BIK: variants seen among roughly 807,000 people sequenced by gnomAD.
BIK encodes the protein bcl-2-interacting killer.
A neutral mutation model predicts 12.1 loss-of-function variants in BIK; 14 were observed. The observed-to-expected ratio is 1.16, with a 90% confidence interval of 0.77 to 1.81. The LOEUF (loss-of-function observed/expected upper bound fraction) is 1.81, where lower values mean the gene tolerates loss of function less well. Ranked by LOEUF, BIK falls within the 40% of genes most tolerant of loss-of-function variation. The pLI, the probability that BIK is intolerant of heterozygous loss-of-function variation, is 0.00. For missense variants in BIK, 215 were observed against 207.9 expected, an observed-to-expected ratio of 1.03 and a Z score of -0.21; for synonymous variants, 86 against 92.3, an observed-to-expected ratio of 0.93 and a Z score of 0.39.
chr22:43,122,658 T>A lies in BIK; in HGVS notation c.-7-1358T>A, dbSNP rs4988408. Among the ~76,000 whole-genome samples the A allele has an allele frequency of 9.0e-3, 1,371 of 152,260 alleles. 11 individuals are homozygous for A. The highest frequency in any genetic ancestry group is 0.014 in the South Asian group (67 of 4,824). On this transcript the variant is annotated intron_variant, in intron 1 of 4. Transcript: ENST00000216115. The stretch of plus-strand genomic sequence containing the variant: ...CATCATGATGAAACATGTACTGGCA[T>A]GGGATTCGCAATGATCATAGTTAGG...
At chr22:43,119,296 GA>G (rs944020143) in intron 1 of BIK, among the ~76,000 whole-genome samples, 4 of 150,830 alleles carry the variant, frequency 2.7e-5, no homozygotes, top group East Asian at 1.9e-4. Flanking sequence ...AAGTTTGCTG[GA>G]AAAAAAAAGA....
chr22:43,126,606 G>A (rs940013982), intron 2 of BIK, among the ~76,000 whole-genome samples: 4 of 152,132 alleles, frequency 2.6e-5, no homozygotes, highest in Non-Finnish European at 5.9e-5. Flanking sequence ...GACCTGGGCT[G>A]TTGCTTTCTG....
chr22:43,122,712 C>T (rs952258559), intron 1 of BIK, among the ~76,000 whole-genome samples: 4 of 152,174 alleles, frequency 2.6e-5, no homozygotes, highest in Admixed American at 2.6e-4. Flanking sequence ...GAAGAGGAAA[C>T]TCAGTGAATG....
intron 1 of BIK, among the ~76,000 whole-genome samples, chr22:43,117,617 G>A (rs1049444387): frequency 2.6e-5 from 4 of 151,712 alleles, no homozygotes; most frequent in African/African-American, 4.8e-5. Flanking sequence ...TGATCTGCAC[G>A]CCTCAACCTC....
rs1569466790 is a variant in BIK at position 43,123,998 on chromosome 22, GCTGT to G, written c.-7-15_-7-12del. The G allele has an allele frequency of 1.2e-6, 2 of 1,613,512 alleles. No individual in the cohort carries two copies. Among genetic ancestry groups the G allele is most frequent in the Non-Finnish European group, 1.7e-6 (2 of 1,179,644 alleles). ...TCAGTTCTTAGGGGTCCAGTCATAT[GCTGT>G]CTTTTTGCCCCAGAGGAGAAATGTC... On this transcript the variant is annotated splice_polypyrimidine_tract_variant and intron_variant, in intron 1 of 4. Coordinates refer to ENST00000216115, the MANE Select transcript of BIK (RefSeq NM_001197.5).
chr22:43,127,591 C>A (rs773208890), intron 2 of BIK, 106 bp from the exon 3 acceptor site: 3 of 1,008,042 alleles, frequency 3.0e-6, no homozygotes, highest in Non-Finnish European at 4.4e-6. Flanking sequence ...CATCTCTTAT[C>A]CTCTGGGCCA....
At chr22:43,126,240 C>T (rs546669905) in intron 2 of BIK, among the ~76,000 whole-genome samples, 1 of 150,154 alleles carries the variant, frequency 6.7e-6, no homozygotes, top group African/African-American at 2.5e-5. Flanking sequence ...GGCTGGAGTA[C>T]AGTGGCATGA....
At position 43,129,247 on chromosome 22, in the gene BIK, T is replaced by TGCTGCTGGCGCTGCTGCTGCC. The variant is rs768176790; in HGVS notation, c.432_452dup (p.Ala145_Leu151dup). On this transcript the variant is annotated inframe_insertion, in exon 5 of 5. Transcript: ENST00000216115. ...GAACAGGTGCTGCTGGCGCTGCTGC[T>TGCTGCTGGCGCTGCTGCTGCC]GCTGCTGGCGCTGCTGCTGCCGCTG... 2 of 1,597,518 alleles carry TGCTGCTGGCGCTGCTGCTGCC rather than the reference T, an allele frequency of 1.3e-6. No individual in the cohort carries two copies. The highest frequency in any genetic ancestry group is 1.1e-5 in the South Asian group (1 of 90,430).
At chr22:43,115,268 G>A (rs949747631) in intron 1 of BIK, among the ~76,000 whole-genome samples, 2 of 152,094 alleles carry the variant, frequency 1.3e-5, no homozygotes, top group Non-Finnish European at 2.9e-5. Context: ...TGAGTCCCCC[G>A]TGCCTGCCTG....
At chr22:43,119,733 T>G (rs1930183648) in intron 1 of BIK, among the ~76,000 whole-genome samples, 1 of 152,004 alleles carries the variant, frequency 6.6e-6, no homozygotes, top group African/African-American at 2.4e-5. Context: ...TCTCAGTACT[T>G]TGGGAGGCCC....
intron 1 of BIK, among the ~76,000 whole-genome samples, chr22:43,122,122 T>A (rs138456448): frequency 6.6e-6 from 1 of 152,250 alleles, no homozygotes; most frequent in East Asian, 1.9e-4. Context: ...CTGCCTGCCG[T>A]CAGTTTTCTC....
At chr22:43,126,694 T>C (rs1462230688) in intron 2 of BIK, among the ~76,000 whole-genome samples, 1 of 151,998 alleles carries the variant, frequency 6.6e-6, no homozygotes, top group Non-Finnish European at 1.5e-5. Context: ...TCTTTTCTGC[T>C]CAGGATTTTT....
At position 43,115,689 on chromosome 22, in the gene BIK, C is replaced by T. The variant is rs543075679; in HGVS notation, c.-8+4886C>T. Among the ~76,000 whole-genome samples, 7 of 151,926 alleles carry T rather than the reference C, an allele frequency of 4.6e-5. No homozygotes were observed. The East Asian group carries it at 7.8e-4, about 17-fold the overall frequency. ...TGTTGGCCAGGATGGTTGTGAACTC[C>T]TGACCTCAGTTGATCCACCTGCCTC... is the stretch of plus-strand genomic sequence containing the variant. On this transcript the variant is annotated intron_variant, in intron 1 of 4. Transcript: ENST00000216115.
At chr22:43,125,258 C>T (rs1362624328) in intron 2 of BIK, among the ~76,000 whole-genome samples, 1 of 152,164 alleles carries the variant, frequency 6.6e-6, no homozygotes, top group Non-Finnish European at 1.5e-5. Context: ...TCTTTGTAAC[C>T]TGTATCTTAT....
chr22:43,121,457 C>T (rs202193025), intron 1 of BIK, among the ~76,000 whole-genome samples: 13 of 152,158 alleles, frequency 8.5e-5, no homozygotes, highest in Middle Eastern at 3.2e-3. Context: ...TCCTATCTGG[C>T]GCCTAAGGAT....
At position 43,114,056 on chromosome 22, in the gene BIK, C is replaced by T. The variant is rs149117461; in HGVS notation, c.-8+3253C>T. ...TGGCCCCTAAGTTCCTTGTTGGCCC[C>T]GAGGCAGGCAGGAGAGGGGCGGGCA... On this transcript the variant is annotated intron_variant, in intron 1 of 4. Transcript: ENST00000216115. 6.8e-4 allele frequency among the ~76,000 whole-genome samples: 104 copies of T among 152,176 alleles called. 1 individual carries two copies. The East Asian group carries it at 0.018, about 26-fold the overall frequency.
chr22:43,129,377 G>C lies in BIK; in HGVS notation c.*72G>C. ...GCCCTGGAGGTGGCGGCCTGCTGCT[G>C]TTATCTTTTTAACTGTTTTCTCATG... On this transcript the variant is annotated 3_prime_UTR_variant, in exon 5 of 5. Coordinates refer to ENST00000216115, the MANE Select transcript of BIK (RefSeq NM_001197.5). 5 of 1,521,146 alleles carry C rather than the reference G, an allele frequency of 3.3e-6. No homozygotes were observed. The highest frequency in any genetic ancestry group is 2.8e-5 in the African/African-American group (2 of 71,954). 94.2% of individuals were successfully genotyped at this position (1,521,146 alleles called of 1,614,324 possible).
At chr22:43,121,212 C>T (rs973904106) in intron 1 of BIK, among the ~76,000 whole-genome samples, 9 of 152,072 alleles carry the variant, frequency 5.9e-5, no homozygotes, top group African/African-American at 1.9e-4. Context: ...ACACTACCAC[C>T]AACAAAAACA....
chr22:43,118,810 T>G (rs1465222032), intron 1 of BIK, among the ~76,000 whole-genome samples: 2 of 152,054 alleles, frequency 1.3e-5, no homozygotes, highest in African/African-American at 4.8e-5. Flanking sequence ...GAGTTCGACC[T>G]CATCCTCAGG....
Sources: gnomAD v4.1 joint callset for allele counts (sites outside exome capture counted in the v4.1 genomes callset) on GRCh38, gnomAD v4.1.1 for gene constraint, MANE v1.5 for transcripts, NCBI Gene and HGNC (gene_info 2026-07-23, HGNC 2026-07-21) for gene names.